LMAN1L: variants seen among roughly 807,000 people sequenced by gnomAD.
The protein encoded by LMAN1L is lectin, mannose binding 1 like, also known as protein ERGIC-53-like.
LMAN1L carries 60 observed loss-of-function variants against 58.3 expected under a neutral mutation model. The observed-to-expected ratio is 1.03, with a 90% CI of 0.84 to 1.27. The LOEUF is 1.27. LMAN1L is among the 50% of genes most tolerant of loss of function. LMAN1L has a pLI of 0.00. For synonymous variants in LMAN1L, 280 were observed against 271.6 expected (o/e 1.03, Z -0.31); for missense variants, 629 against 674.0 (o/e 0.93, Z 0.74).
chr15:74,822,598 G>A (rs992759676), intron 10 of LMAN1L, 44 bp from the exon 11 acceptor site: 3 of 1,531,576 alleles, frequency 2.0e-6, no homozygotes, highest in African/African-American at 2.7e-5. Flanking sequence ...TGAGAAGAGA[G>A]GGGCTATGTC....
chr15:74,814,594 C>T (rs1388212849), intron 1 of LMAN1L, among the ~76,000 whole-genome samples: 1 of 152,084 alleles, frequency 6.6e-6, no homozygotes, highest in Non-Finnish European at 1.5e-5. Context: ...AGGATGGTTT[C>T]GATCTCCTGA....
At chr15:74,823,973 A>G (rs1596380837) in intron 12 of LMAN1L, 2 of 510,772 alleles carry the variant, frequency 3.9e-6, no homozygotes, top group Non-Finnish European at 7.0e-6. Context: ...GAGGGGAAAC[A>G]GGGTGGGCTG....
chr15:74,820,469 G>C (rs563680122), intron 7 of LMAN1L, 166 bp from the exon 8 acceptor site: 2 of 867,144 alleles, frequency 2.3e-6, no homozygotes, highest in Middle Eastern at 3.5e-4. Flanking sequence ...AGCAGGGAGG[G>C]AAGATGGTGG....
At chr15:74,820,825 C>T in intron 8 of LMAN1L, 58 bp downstream of exon 8, 1 of 1,564,950 alleles carries the variant, frequency 6.4e-7, no homozygotes, top group Non-Finnish European at 8.6e-7. Context: ...CATCCTCCAC[C>T]CTTATGACCA....
rs192499741 is a variant in LMAN1L, at chr15:74,820,102, G to A, written c.774+3G>A. 6.2e-6 allele frequency: 10 copies of A among 1,613,712 alleles called. No homozygotes were observed. In the African/African-American group the frequency reaches 1.2e-4, roughly 19 times the overall value. On this transcript the variant is annotated splice_donor_region_variant and intron_variant, in intron 7 of 13. Transcript: ENST00000309664. ...GCCTGAGTGAGCCCAGCCCAGAGGT[G>A]ATGCCAGCCCTGGCCTACCTGGGAA... is the stretch of plus-strand genomic sequence containing the variant.
rs1555467533 is a variant in LMAN1L at position 74,823,671 on chromosome 15, C to T, written c.1312C>T (p.Arg438Trp). The change falls in exon 12 of 14, where the codon CGG (arginine) becomes TGG (tryptophan). Residue 438 changes from arginine (R) to tryptophan (W), a missense_variant. Transcript: ENST00000309664. ...CCTGGGCCTCCTGCAGGAGGAGCTT[C>T]GGGGCCCGGCGGTGAGGGGAAAGTA... ...HILGLLQEEL[R>W]GPAKAAAKAP... 1.2e-5 allele frequency: 20 copies of T among 1,613,228 alleles called. No homozygotes were observed. Among genetic ancestry groups the T allele is most frequent in the East Asian group, 8.9e-5 (4 of 44,884 alleles).
chr15:74,820,476 G>A, intron 7 of LMAN1L, 159 bp from the exon 8 acceptor site: 2 of 912,942 alleles, frequency 2.2e-6, no homozygotes, highest in Non-Finnish European at 3.5e-6. Flanking sequence ...AGGGAAGATG[G>A]TGGGGATCTG....
intron 7 of LMAN1L, 59 bp downstream of exon 7, chr15:74,820,158 G>C: frequency 7.0e-7 from 1 of 1,426,820 alleles, no homozygotes; most frequent in Non-Finnish European, 9.9e-7. Context: ...CCTCACCCAT[G>C]TCATGGTGCC....
intron 7 of LMAN1L, chr15:74,820,431 G>A (rs923042009): frequency 2.5e-5 from 18 of 707,882 alleles, no homozygotes; most frequent in Middle Eastern, 3.9e-4. Context: ...AAGGAGCCTC[G>A]GACCAGCACA....
chr15:74,822,088 C>T (rs1041451571), intron 10 of LMAN1L, among the ~76,000 whole-genome samples, 188 bp downstream of exon 10: 1 of 152,098 alleles, frequency 6.6e-6, no homozygotes, highest in Non-Finnish European at 1.5e-5. Flanking sequence ...TTTGGGAGGC[C>T]AAGGCGGACA....
At chr15:74,822,606 G>A in intron 10 of LMAN1L, 36 bp from the exon 11 acceptor site, 1 of 1,582,478 alleles carries the variant, frequency 6.3e-7, no homozygotes, top group Non-Finnish European at 8.7e-7. Flanking sequence ...GAGGGGCTAT[G>A]TCCTGGGCCC....
In LMAN1L at chr15:74,821,073, AG is replaced by A. The variant is rs1481624808; in HGVS notation, c.910del. 1 of 1,575,094 alleles carries A rather than the reference AG, an allele frequency of 6.3e-7. No homozygotes were observed. Among genetic ancestry groups the A allele is most frequent in the South Asian group, 1.2e-5 (1 of 85,796 alleles). ...CCATCCCAGCTCTGCCCTAATCCCCAGGGGAAAGGCTCTTTGACCTGGAGGA... is the reference window on the plus strand; with the variant it reads ...CCATCCCAGCTCTGCCCTAATCCCCAGGGAAAGGCTCTTTGACCTGGAGGA... On this transcript the variant is annotated splice_acceptor_variant, in intron 8 of 13. Transcript: ENST00000309664. LOFTEE classifies it high-confidence loss of function.
Position 74,821,065 on chromosome 15 carries a change from T to G in LMAN1L, c.908-10T>G. On this transcript the variant is annotated splice_polypyrimidine_tract_variant and intron_variant, in intron 8 of 13. Transcript: ENST00000309664. ...CTGGCTGCCCATCCCAGCTCTGCCC[T>G]AATCCCCAGGGGAAAGGCTCTTTGA... 1 of 1,572,296 alleles carries G rather than the reference T, an allele frequency of 6.4e-7. No homozygotes were observed. Among genetic ancestry groups the G allele is most frequent in the Non-Finnish European group, 8.6e-7 (1 of 1,158,988 alleles).
At position 74,818,796 on chromosome 15, in the gene LMAN1L, C is replaced by T; in HGVS notation, c.576C>T (p.Thr192=). ...NRPHPFRARI[T]YWGQRLRMSL... ...CACACCCCTTCAGAGCACGGATCAC[C>T]TACTGGGGGCAGAGGCTGCGCGTGA... Residue 192 remains threonine (T), a synonymous_variant, in exon 5 of 14, where the codon ACC becomes ACT. Transcript: ENST00000309664. The T allele has an allele frequency of 6.2e-7, 1 of 1,610,708 alleles. No individual in the cohort carries two copies. The highest frequency in any genetic ancestry group is 1.1e-5 in the South Asian group (1 of 90,154).
At chr15:74,821,298 C>T in intron 9 of LMAN1L, 72 bp downstream of exon 9, 2 of 1,487,370 alleles carry the variant, frequency 1.3e-6, no homozygotes, top group Non-Finnish European at 1.8e-6. Context: ...TAGTCAGCAA[C>T]TAGTCTCCCC....
intron 6 of LMAN1L, chr15:74,819,477 G>T (rs1315815533): frequency 6.3e-6 from 4 of 635,748 alleles, no homozygotes; most frequent in Non-Finnish European, 1.0e-5. Flanking sequence ...TTCAGTGCTG[G>T]CCACATAAGT....
chr15:74,822,694 C>A lies in LMAN1L; in HGVS notation c.1184C>A (p.Ala395Asp). 1 of 1,613,920 alleles carries A rather than the reference C, an allele frequency of 6.2e-7. No individual in the cohort carries two copies. The highest frequency in any genetic ancestry group is 8.5e-7 in the Non-Finnish European group (1 of 1,179,856). Residue 395 changes from alanine to aspartate, a missense_variant, in exon 11 of 14, where the codon GCC becomes GAC. Physicochemically the swap from Ala to Asp is moderately radical, Grantham distance 126 (BLOSUM62 -2). Coordinates refer to ENST00000309664, the MANE Select transcript of LMAN1L (RefSeq NM_021819.3). ...CATGGACAGTGGACTCTGCTCCAGGCCCTGCAAGAGATGAGGTAAGGGACT... is the reference window on the plus strand; with the variant it reads ...CATGGACAGTGGACTCTGCTCCAGGACCTGCAAGAGATGAGGTAAGGGACT... ...LLHGQWTLLQ[A>D]LQEMRDAAVR... is the part of the protein sequence containing the mutation.
intron 4 of LMAN1L, among the ~76,000 whole-genome samples, chr15:74,818,011 T>G (rs1447652471): frequency 2.3e-5 from 2 of 87,656 alleles, no homozygotes; most frequent in Non-Finnish European, 5.6e-5. Flanking sequence ...AGACTCCGTC[T>G]CAGAAAAAAA....
Position 74,819,267 on chromosome 15 carries a change from T to C in LMAN1L, c.713T>C (p.Leu238Pro), listed in dbSNP as rs553427786. ...GGGGTCTCAGCAGCCACCGGCACCC[T>C]GGCAGGTGAGGATCCCACTGGACAG... ...FFGVSAATGT[L>P]ADDHDVLSFL... The change falls in exon 6 of 14, where the codon CTG becomes CCG. Residue 238 changes from leucine to proline, a missense_variant. By Grantham distance (98) the Leu-to-Pro change is moderately conservative (BLOSUM62 -3). Around this residue, in one of 3 missense-constraint regions of LMAN1L, gnomAD observed 573 missense variants for 597.3 expected, o/e 0.96. Transcript: ENST00000309664. 1.2e-4 allele frequency: 188 copies of C among 1,614,076 alleles called. No homozygotes were observed. In the South Asian group the frequency reaches 1.7e-3, roughly 14 times the overall value.
Sources: allele counts gnomAD v4.1 joint callset (sites outside exome capture counted in the v4.1 genomes callset), GRCh38; gene constraint gnomAD v4.1.1; regional missense constraint gnomAD v4.1.1; transcripts MANE v1.5; gene names NCBI Gene and HGNC (gene_info 2026-07-23, HGNC 2026-07-21).